The following TOPAZ1 variants were observed in gnomAD, a reference collection of about 807,000 sequenced individuals.
TOPAZ1 encodes protein TOPAZ1.
A neutral mutation model predicts 172.2 loss-of-function variants in TOPAZ1; 66 were observed. That is an observed-to-expected ratio of 0.38 (90% CI 0.31 to 0.47). TOPAZ1 has a LOEUF of 0.47. TOPAZ1 is among the 20% of genes least tolerant of loss of function. The pLI, the probability that TOPAZ1 is intolerant of heterozygous loss-of-function variation, is 0.99. For synonymous variants in TOPAZ1, 681 were observed against 683.9 expected (o/e 1.00, Z 0.07); for missense variants, 1,822 against 1,972.4 (o/e 0.92, Z 1.44).
chr3:44,309,969 G>A lies in TOPAZ1; in HGVS notation c.4285G>A (p.Gly1429Ser). Residue 1429 changes from glycine (G) to serine (S), a missense_variant, in exon 16 of 20, where the codon GGT (glycine) becomes AGT (serine). Coordinates refer to ENST00000309765, the MANE Select transcript of TOPAZ1 (RefSeq NM_001145030.2). ...TTTTCTAAAAAGTGGAAGCCTAGAT[G>A]GTGCCATTTGGGTAATGAGGGGTAA... ...EIFLKSGSLD[G>S]AIWVMRESEW... The A allele has an allele frequency of 6.5e-7, 1 of 1,549,748 alleles. No individual in the cohort carries two copies. Among genetic ancestry groups the A allele is most frequent in the Non-Finnish European group, 8.7e-7 (1 of 1,146,506 alleles).
chr3:44,303,941 G>A, intron 12 of TOPAZ1, 74 bp from the exon 13 acceptor site: 1 of 841,680 alleles, frequency 1.2e-6, no homozygotes, highest in Non-Finnish European at 1.9e-6. Flanking sequence ...TAAACCATAG[G>A]ACAGATTAAT....
rs1699544232 is a variant in TOPAZ1 at position 44,244,935 on chromosome 3, G to C, written c.2429G>C (p.Cys810Ser). 3.9e-6 allele frequency: 6 copies of C among 1,551,572 alleles called. No homozygotes were observed. Among genetic ancestry groups the C allele is most frequent in the Non-Finnish European group, 5.2e-6 (6 of 1,147,010 alleles). Reference protein sequence around the residue: ...SLTVENNAFSCDPGYVEKSPS... With the variant: ...SLTVENNAFSSDPGYVEKSPS... ...ACAGTTGAAAATAATGCTTTTTCTT[G>C]TGATCCTGGGTATGTAGAGAAAAGT... The change falls in exon 2 of 20, where the codon TGT becomes TCT. Residue 810 changes from cysteine to serine, a missense_variant. This residue lies in a region of TOPAZ1 where 1,489 missense variants were observed against 1,490.8 expected (regional missense o/e 1.00). Transcript: ENST00000309765.
At chr3:44,305,381 T>G in intron 14 of TOPAZ1, 60 bp downstream of exon 14, 1 of 1,385,590 alleles carries the variant, frequency 7.2e-7, no homozygotes, top group Non-Finnish European at 9.6e-7. Flanking sequence ...TTCTTTTTTG[T>G]TTTTTAGAGA....
At chr3:44,283,919 C>T (rs1247704874) in intron 9 of TOPAZ1, among the ~76,000 whole-genome samples, 6 of 152,244 alleles carry the variant, frequency 3.9e-5, no homozygotes, top group African/African-American at 1.2e-4. Flanking sequence ...AACATGAGTA[C>T]AGTAGTTTTG....
intron 2 of TOPAZ1, among the ~76,000 whole-genome samples, chr3:44,254,031 A>G (rs1395802476): frequency 6.6e-6 from 1 of 152,208 alleles, no homozygotes; most frequent in African/African-American, 2.4e-5. Flanking sequence ...TGTAGTTTTC[A>G]TCTGTTGGGC....
intron 5 of TOPAZ1, among the ~76,000 whole-genome samples, chr3:44,262,935 T>G (rs938493183): frequency 4.6e-5 from 7 of 152,206 alleles, no homozygotes; most frequent in African/African-American, 1.7e-4. Flanking sequence ...ACCCTCATTT[T>G]GCATGTGAGG....
intron 7 of TOPAZ1, among the ~76,000 whole-genome samples, chr3:44,269,820 T>G (rs896994673): frequency 2.6e-5 from 4 of 151,852 alleles, no homozygotes; most frequent in Non-Finnish European, 5.9e-5. Flanking sequence ...TTAGTAGAGA[T>G]GGGGTTTCAC....
rs1159490810 is a variant in TOPAZ1, at chr3:44,241,920, C to G, written c.-134C>G. 1.1e-6 allele frequency: 1 copy of G among 870,892 alleles called. No homozygotes were observed. Among genetic ancestry groups the G allele is most frequent in the Non-Finnish European group, 1.7e-6 (1 of 590,856 alleles). 53.9% of individuals were successfully genotyped at this position (870,892 alleles called of 1,614,324 possible). ...TACGCGCCCCACTTCCGCTTCCGGC[C>G]CCGGGCTGTGGTGACTGGCGGTGTG... On this transcript the variant is annotated 5_prime_UTR_variant, in exon 1 of 20. Coordinates refer to ENST00000309765, the MANE Select transcript of TOPAZ1 (RefSeq NM_001145030.2).
chr3:44,328,519 T>TTA, intron 19 of TOPAZ1, 86 bp downstream of exon 19: 1 of 665,324 alleles, frequency 1.5e-6, no homozygotes, highest in Non-Finnish European at 2.4e-6. Context: ...TTATGTGTTT[T>TTA]TATACATACA....
At chr3:44,279,612 C>A (rs1700000336) in intron 8 of TOPAZ1, among the ~76,000 whole-genome samples, 1 of 151,978 alleles carries the variant, frequency 6.6e-6, no homozygotes, top group African/African-American at 2.4e-5. Context: ...TCTGTTTTAT[C>A]TGATAAGTAT....
intron 8 of TOPAZ1, among the ~76,000 whole-genome samples, chr3:44,271,684 A>C (rs747845428): frequency 5.3e-5 from 8 of 152,132 alleles, no homozygotes; most frequent in Non-Finnish European, 1.2e-4. Context: ...TGATTTATGA[A>C]TATGATATGG....
chr3:44,256,975 A>G (rs1477764215), intron 4 of TOPAZ1, among the ~76,000 whole-genome samples: 2 of 152,164 alleles, frequency 1.3e-5, no homozygotes, highest in East Asian at 1.9e-4. Context: ...CTTCCACTAT[A>G]TGTGTATGTA....
intron 16 of TOPAZ1, among the ~76,000 whole-genome samples, chr3:44,310,795 T>C (rs1401994015): frequency 6.6e-6 from 1 of 152,220 alleles, no homozygotes; most frequent in African/African-American, 2.4e-5. Context: ...TTCATATGTA[T>C]GGGCAAACAT....
At chr3:44,318,492 G>A (rs1296109102) in intron 16 of TOPAZ1, among the ~76,000 whole-genome samples, 3 of 151,070 alleles carry the variant, frequency 2.0e-5, no homozygotes, top group Non-Finnish European at 4.4e-5. Flanking sequence ...CACGGTGGGG[G>A]GTGGGGGAGT....
At chr3:44,284,588 A>G (rs1294457826) in intron 9 of TOPAZ1, among the ~76,000 whole-genome samples, 2 of 152,196 alleles carry the variant, frequency 1.3e-5, no homozygotes, top group African/African-American at 4.8e-5. Context: ...TTTGACATAC[A>G]AGTATCTACT....
chr3:44,318,598 G>T (rs1203076688), intron 16 of TOPAZ1, among the ~76,000 whole-genome samples: 3 of 151,746 alleles, frequency 2.0e-5, no homozygotes, highest in Admixed American at 2.0e-4. Context: ...TCACCACCAG[G>T]CCCCAGGGCA....
intron 5 of TOPAZ1, among the ~76,000 whole-genome samples, chr3:44,266,568 A>G (rs964579835): frequency 6.6e-6 from 1 of 152,188 alleles, no homozygotes. Flanking sequence ...GTCTCAGGAA[A>G]TAGGGAAGCC....
chr3:44,267,486 G>A (rs939309032), intron 6 of TOPAZ1, among the ~76,000 whole-genome samples: 3 of 151,760 alleles, frequency 2.0e-5, no homozygotes, highest in South Asian at 2.1e-4. Flanking sequence ...TAGTAGAGAC[G>A]GGGTTTAACG....
intron 16 of TOPAZ1, among the ~76,000 whole-genome samples, chr3:44,315,237 T>C (rs1404145562): frequency 6.6e-6 from 1 of 151,944 alleles, no homozygotes; most frequent in East Asian, 1.9e-4. Flanking sequence ...GTTTATACTA[T>C]GAAATTTAGC....
Sources: gnomAD v4.1 joint callset for allele counts (sites outside exome capture counted in the v4.1 genomes callset) on GRCh38, gnomAD v4.1.1 for gene constraint, gnomAD v4.1.1 regional missense constraint, MANE v1.5 for transcripts, NCBI Gene and HGNC (gene_info 2026-07-23, HGNC 2026-07-21) for gene names.